CAMSAP2: variants seen among roughly 807,000 people sequenced by gnomAD.
The protein encoded by CAMSAP2 is calmodulin regulated spectrin associated protein family member 2.
Under a neutral mutation model 146.1 loss-of-function variants are expected in CAMSAP2, and 26 were observed. The observed-to-expected ratio is 0.18, with a 90% CI of 0.13 to 0.25. CAMSAP2 has a LOEUF of 0.25. Ranked by LOEUF, CAMSAP2 falls within the 10% of genes least tolerant of loss-of-function variation. The pLI, the probability that CAMSAP2 is intolerant of heterozygous loss-of-function variation, is 1.00. For missense variants in CAMSAP2, 1,381 were observed against 1,759.3 expected, an observed-to-expected ratio of 0.78 and a Z score of 3.85; for synonymous variants, 499 against 596.6, an observed-to-expected ratio of 0.84 and a Z score of 2.38.
Position 200,739,754 on chromosome 1 carries a change from C to T in CAMSAP2, c.-74C>T, listed in dbSNP as rs1287185540. On this transcript the variant is annotated 5_prime_UTR_variant, in exon 1 of 17. Coordinates refer to ENST00000358823, the MANE Select transcript of CAMSAP2 (RefSeq NM_203459.4). This position sits in a 1 kb window ranked among gnomAD's most constrained non-coding sequence, Gnocchi z 4.8. ...GGTTTGAGCTTGCTTCTCCCTCCCT[C>T]CCGACCCCCGTGGTGGCGAGGCCAC... 7.0e-7 allele frequency: 1 copy of T among 1,425,420 alleles called. No individual in the cohort carries two copies. The highest frequency in any genetic ancestry group is 9.5e-7 in the Non-Finnish European group (1 of 1,048,302). The allele number at this position is 1,425,420 out of a possible 1,614,324, so 88.3% of individuals were successfully genotyped here.
chr1:200,796,982 C>T (rs1665901886), intron 2 of CAMSAP2, among the ~76,000 whole-genome samples: 1 of 152,154 alleles, frequency 6.6e-6, no homozygotes, highest in South Asian at 2.1e-4. Context: ...TCTTCCATGT[C>T]CCTACAAAGG....
At chr1:200,744,410 T>C (rs1014164493) in intron 1 of CAMSAP2, among the ~76,000 whole-genome samples, 2 of 152,146 alleles carry the variant, frequency 1.3e-5, no homozygotes, top group Non-Finnish European at 2.9e-5. Flanking sequence ...ACAGGCTGAA[T>C]TGAGATGCCA....
chr1:200,827,671 T>G (rs960501993), intron 4 of CAMSAP2, among the ~76,000 whole-genome samples: 14 of 150,320 alleles, frequency 9.3e-5, no homozygotes, highest in Admixed American at 5.4e-4. Flanking sequence ...TGAAAATACC[T>G]TATTTATATT....
rs549615731 is a variant in CAMSAP2 at position 200,816,871 on chromosome 1, TAC to T, written c.645+1236_645+1237del. ...ACACACACACGCGTGTGTATGTGTG[TAC>T]ACACACACGCGTGTGTATGTGTGTA... On this transcript the variant is annotated intron_variant, in intron 4 of 16. Coordinates refer to ENST00000358823, the MANE Select transcript of CAMSAP2 (RefSeq NM_203459.4). 1.1e-3 allele frequency among the ~76,000 whole-genome samples: 62 copies of T among 57,696 alleles called. 2 individuals carry two copies. The highest frequency in any genetic ancestry group is 1.9e-3 in the East Asian group (2 of 1,076). 37.9% of individuals were successfully genotyped at this position (57,696 alleles called of 152,430 possible). A position where few individuals can be genotyped will look rare whatever the true frequency, so the allele number is the denominator to read the frequency against.
At chr1:200,765,320 C>T (rs972730078) in intron 2 of CAMSAP2, among the ~76,000 whole-genome samples, 9 of 152,120 alleles carry the variant, frequency 5.9e-5, no homozygotes, top group African/African-American at 2.2e-4. Flanking sequence ...ACCTCCACCT[C>T]CCAAGTTCAA....
intron 1 of CAMSAP2, among the ~76,000 whole-genome samples, chr1:200,750,187 G>T (rs1664458202): frequency 6.6e-6 from 1 of 152,144 alleles, no homozygotes; most frequent in Admixed American, 6.6e-5. Flanking sequence ...AAAAGTGCTG[G>T]TTGCCTGAAC....
intron 4 of CAMSAP2, among the ~76,000 whole-genome samples, chr1:200,821,494 G>A (rs1666763566): frequency 6.6e-6 from 1 of 151,904 alleles, no homozygotes; most frequent in Non-Finnish European, 1.5e-5. Context: ...TGTGGTCAAT[G>A]CTAATTCATT....
At chr1:200,792,191 A>G (rs1028566587) in intron 2 of CAMSAP2, among the ~76,000 whole-genome samples, 3 of 152,162 alleles carry the variant, frequency 2.0e-5, no homozygotes, top group African/African-American at 7.2e-5. Flanking sequence ...GTTTTGTTGA[A>G]TGTTCAATGT....
intron 1 of CAMSAP2, among the ~76,000 whole-genome samples, chr1:200,751,812 C>T (rs1571715289): frequency 6.6e-6 from 1 of 152,110 alleles, no homozygotes; most frequent in East Asian, 1.9e-4. Context: ...GAGGTGTTCA[C>T]AGTCTGTGTG....
intron 4 of CAMSAP2, among the ~76,000 whole-genome samples, chr1:200,817,609 T>G (rs74136252): frequency 3.4e-4 from 52 of 152,326 alleles, no homozygotes; most frequent in African/African-American, 1.2e-3. Flanking sequence ...TCTATTATTT[T>G]GAGCTTATTC....
At chr1:200,815,726 TTG>T (rs1419849527) in intron 4 of CAMSAP2, 82 bp downstream of exon 4, 3 of 665,256 alleles carry the variant, frequency 4.5e-6, no homozygotes, top group Non-Finnish European at 4.7e-6. Context: ...GAAATGTTAA[TTG>T]TGTTTATTAA....
intron 2 of CAMSAP2, among the ~76,000 whole-genome samples, chr1:200,777,941 G>GA: frequency 6.6e-6 from 1 of 152,168 alleles, no homozygotes; most frequent in East Asian, 1.9e-4. Context: ...CCTGACTCCA[G>GA]AAAAAAACTT....
At chr1:200,754,726 G>T (rs528720835) in intron 1 of CAMSAP2, among the ~76,000 whole-genome samples, 9 of 151,946 alleles carry the variant, frequency 5.9e-5, no homozygotes, top group Non-Finnish European at 1.3e-4. Flanking sequence ...GGGACTACAG[G>T]CACCCGCCAC....
intron 4 of CAMSAP2, among the ~76,000 whole-genome samples, chr1:200,829,968 C>T (rs1286601857): frequency 6.6e-6 from 1 of 150,974 alleles, no homozygotes; most frequent in Non-Finnish European, 1.5e-5. Context: ...AAACAAACAA[C>T]AAAAAAAAGG....
At chr1:200,841,715 T>G (rs755666432) in intron 6 of CAMSAP2, among the ~76,000 whole-genome samples, 4 of 152,212 alleles carry the variant, frequency 2.6e-5, no homozygotes, top group Admixed American at 6.5e-5. Context: ...GTGCCTTATA[T>G]ATTATCTCAG....
intron 2 of CAMSAP2, among the ~76,000 whole-genome samples, chr1:200,801,603 C>T (rs1666038175): frequency 6.6e-6 from 1 of 152,170 alleles, no homozygotes; most frequent in South Asian, 2.1e-4. Flanking sequence ...CACATAGTCC[C>T]ATATTTCTTG....
At chr1:200,774,722 C>G (rs1363376099) in intron 2 of CAMSAP2, among the ~76,000 whole-genome samples, 1 of 152,144 alleles carries the variant, frequency 6.6e-6, no homozygotes, top group Non-Finnish European at 1.5e-5. Context: ...CAGAGGCTAT[C>G]GCATTGCCGA....
At chr1:200,819,715 A>G (rs1052578933) in intron 4 of CAMSAP2, among the ~76,000 whole-genome samples, 34 of 152,172 alleles carry the variant, frequency 2.2e-4, no homozygotes, top group Admixed American at 2.6e-4. Flanking sequence ...TCCCTTCTCG[A>G]TATGTTAGTA....
At chr1:200,845,527 A>C (rs1386378986) in intron 8 of CAMSAP2, among the ~76,000 whole-genome samples, 1 of 152,178 alleles carries the variant, frequency 6.6e-6, no homozygotes, top group Non-Finnish European at 1.5e-5. Flanking sequence ...GTAAAGGCAC[A>C]GTCATCAGTC....
Sources: allele counts gnomAD v4.1 joint callset (sites outside exome capture counted in the v4.1 genomes callset), GRCh38; gene constraint gnomAD v4.1.1; non-coding constraint Gnocchi (gnomAD v3.1); transcripts MANE v1.5; gene names NCBI Gene and HGNC (gene_info 2026-07-23, HGNC 2026-07-21).